Variants in MICU3 observed in about 807,000 individuals in gnomAD.
The protein encoded by MICU3 is calcium uptake protein 3, mitochondrial.
Under a neutral mutation model 66.5 loss-of-function variants are expected in MICU3, and 62 were observed. The observed-to-expected ratio is 0.93, with a 90% CI of 0.76 to 1.15. The LOEUF (loss-of-function observed/expected upper bound fraction) is 1.15. Ranked by LOEUF, MICU3 falls within the 50% of genes most tolerant of loss-of-function variation. The probability of loss-of-function intolerance (pLI) is 0.00; values close to 1 mark genes in which losing one functional copy is unlikely to be tolerated. For missense variants in MICU3, 779 were observed against 664.4 expected (o/e 1.17, Z -1.90); for synonymous variants, 308 against 240.7 (o/e 1.28, Z -2.59).
chr8:17,082,690 G>A (rs1244186792), intron 5 of MICU3, among the ~76,000 whole-genome samples: 1 of 152,096 alleles, frequency 6.6e-6, no homozygotes, highest in African/African-American at 2.4e-5. Context: ...TCCAGTTGTG[G>A]AGATATGTGG....
intron 3 of MICU3, 52 bp from the exon 4 acceptor site, chr8:17,077,731 T>C: frequency 1.6e-6 from 2 of 1,271,178 alleles, no homozygotes; most frequent in Non-Finnish European, 2.3e-6. Context: ...TTTTGATCTA[T>C]TTTATTAGTA....
chr8:17,106,638 A>G (rs1331139527), intron 11 of MICU3, among the ~76,000 whole-genome samples: 1 of 151,996 alleles, frequency 6.6e-6, no homozygotes. Flanking sequence ...AGTTTCTGAA[A>G]AATTCCAATT....
chr8:17,094,981 T>C (rs1228604946), intron 8 of MICU3, among the ~76,000 whole-genome samples: 1 of 152,028 alleles, frequency 6.6e-6, no homozygotes, highest in Admixed American at 6.6e-5. Context: ...TTAATTCTAC[T>C]AGAGATATAT....
At chr8:17,099,527 A>G (rs1801075344) in intron 9 of MICU3, among the ~76,000 whole-genome samples, 1 of 151,810 alleles carries the variant, frequency 6.6e-6, no homozygotes, top group Admixed American at 6.6e-5. Context: ...GCTCAGTTTT[A>G]AAGTCCCAAA....
At chr8:17,029,171 A>T (rs1261591947) in intron 1 of MICU3, among the ~76,000 whole-genome samples, 1 of 152,214 alleles carries the variant, frequency 6.6e-6, no homozygotes, top group African/African-American at 2.4e-5. Flanking sequence ...ACTACTAAAG[A>T]ACATTAAATA....
At chr8:17,076,453 A>G (rs1435041721) in intron 3 of MICU3, among the ~76,000 whole-genome samples, 2 of 152,122 alleles carry the variant, frequency 1.3e-5, no homozygotes, top group African/African-American at 2.4e-5. Context: ...TGCCATTCCT[A>G]TTCTATAATC....
At chr8:17,054,985 C>A (rs929216938) in intron 1 of MICU3, among the ~76,000 whole-genome samples, 1 of 152,064 alleles carries the variant, frequency 6.6e-6, no homozygotes, top group African/African-American at 2.4e-5. Flanking sequence ...GATCCGCCTG[C>A]CTCAGCCTCC....
rs984829237 is a variant in MICU3 at position 17,120,687 on chromosome 8, A to T, written c.*400A>T. The T allele has an allele frequency of 4.6e-5, 7 of 152,494 alleles. No homozygotes were observed. Among genetic ancestry groups the T allele is most frequent in the Non-Finnish European group, 1.0e-4 (7 of 67,930 alleles). 9.4% of individuals were successfully genotyped at this position (152,494 alleles called of 1,614,324 possible). On this transcript the variant is annotated 3_prime_UTR_variant, in exon 15 of 15. Transcript: ENST00000318063. ...GAATGTTGATCGCCTAAAAATGAAC[A>T]TCGCATTTTCTTTGATTTTGGACTG...
chr8:17,044,330 A>G (rs1027472910), intron 1 of MICU3, among the ~76,000 whole-genome samples: 2 of 152,202 alleles, frequency 1.3e-5, no homozygotes, highest in African/African-American at 4.8e-5. Flanking sequence ...TGTCTCATAT[A>G]TTTTGGTGAT....
intron 12 of MICU3, 130 bp from the exon 13 acceptor site, chr8:17,116,313 A>G (rs1265388944): frequency 3.7e-6 from 2 of 540,432 alleles, no homozygotes; most frequent in Non-Finnish European, 6.0e-6. Context: ...AGCAGGATTA[A>G]TGGAAGGCCA....
intron 3 of MICU3, among the ~76,000 whole-genome samples, chr8:17,070,726 G>A (rs1192857887): frequency 2.0e-5 from 3 of 151,934 alleles, no homozygotes; most frequent in South Asian, 4.2e-4. Context: ...TACAGCAAAT[G>A]TCATGGTCAT....
chr8:17,102,568 C>T (rs1023418450), intron 9 of MICU3: 1 of 151,910 alleles, frequency 6.6e-6, no homozygotes, highest in African/African-American at 2.4e-5. Flanking sequence ...TCTATTAGAG[C>T]AGGCTGCCTC....
intron 1 of MICU3, among the ~76,000 whole-genome samples, chr8:17,028,793 C>A (rs1162960621): frequency 6.6e-6 from 1 of 152,122 alleles, no homozygotes; most frequent in African/African-American, 2.4e-5. Flanking sequence ...CCACCCCCTC[C>A]CCCTTCACAA....
chr8:17,048,475 C>G (rs573603803), intron 1 of MICU3, among the ~76,000 whole-genome samples: 1 of 152,316 alleles, frequency 6.6e-6, no homozygotes, highest in East Asian at 1.9e-4. Context: ...TATTCACTAT[C>G]ACAAGAACAG....
intron 13 of MICU3, 142 bp downstream of exon 13, chr8:17,116,742 T>G: frequency 1.8e-6 from 1 of 563,308 alleles, no homozygotes; most frequent in Non-Finnish European, 2.9e-6. Context: ...AACATAGGCC[T>G]TACTTCCCTT....
chr8:17,076,283 C>T (rs1051294258), intron 3 of MICU3, among the ~76,000 whole-genome samples: 1 of 152,150 alleles, frequency 6.6e-6, no homozygotes, highest in African/African-American at 2.4e-5. Context: ...GATCTACCCA[C>T]CTCAGCCTCC....
At chr8:17,077,032 A>G (rs912999596) in intron 3 of MICU3, among the ~76,000 whole-genome samples, 5 of 152,244 alleles carry the variant, frequency 3.3e-5, no homozygotes, top group Admixed American at 6.5e-5. Context: ...TTAACAGACT[A>G]TACACAATAA....
Position 17,105,546 on chromosome 8 carries a change from T to A in MICU3, c.1219T>A (p.Phe407Ile), listed in dbSNP as rs780794939. Residue 407 changes from phenylalanine (F) to isoleucine (I), a missense_variant, in exon 11 of 15, where the codon TTT (phenylalanine) becomes ATT (isoleucine). Transcript: ENST00000318063. ...RYTNVENTSV[F>I]LENVRYSIPE... ...TACAAATGTGGAAAATACATCAGTA[T>A]TTTTAGAAAATGTGCGTTACAGTAT... 28 of 1,567,392 alleles carry A rather than the reference T, an allele frequency of 1.8e-5. No individual in the cohort carries two copies. Among genetic ancestry groups the A allele is most frequent in the Non-Finnish European group, 8.6e-7 (1 of 1,156,250 alleles).
At chr8:17,041,778 A>G (rs1314937609) in intron 1 of MICU3, among the ~76,000 whole-genome samples, 3 of 152,216 alleles carry the variant, frequency 2.0e-5, no homozygotes, top group Admixed American at 2.0e-4. Flanking sequence ...TTCCATTATG[A>G]CAGGAGGATG....
Sources: allele counts gnomAD v4.1 joint callset (sites outside exome capture counted in the v4.1 genomes callset), GRCh38; gene constraint gnomAD v4.1.1; transcripts MANE v1.5; gene names NCBI Gene and HGNC (gene_info 2026-07-23, HGNC 2026-07-21).